DTNB: variants seen among roughly 807,000 people sequenced by gnomAD.
The protein encoded by DTNB is dystrobrevin beta.
In DTNB, 63 loss-of-function variants were observed where a neutral mutation model predicts 90.7. The ratio of observed to expected loss-of-function variants is 0.69; its 90% CI spans 0.57 to 0.86. DTNB has a LOEUF of 0.86. Among genes scored for constraint, DTNB ranks in the 40% least tolerant of loss-of-function variants. The pLI, the probability that DTNB is intolerant of heterozygous loss-of-function variation, is 0.00. For synonymous variants in DTNB, 277 were observed against 286.7 expected (o/e 0.97, Z 0.34); for missense variants, 744 against 807.1 (o/e 0.92, Z 0.95).
intron 8 of DTNB, among the ~76,000 whole-genome samples, chr2:25,576,194 G>C (rs563519320): frequency 5.3e-5 from 8 of 151,864 alleles, no homozygotes; most frequent in Admixed American, 4.6e-4. Flanking sequence ...ATAAGCATGG[G>C]GGGGCGGAAT....
chr2:25,635,091 AAG>A (rs2076861772), intron 3 of DTNB, among the ~76,000 whole-genome samples: 1 of 151,396 alleles, frequency 6.6e-6, no homozygotes, highest in South Asian at 2.1e-4. Flanking sequence ...AAAAAAAAAA[AAG>A]AAATTTTAAA....
intron 16 of DTNB, among the ~76,000 whole-genome samples, chr2:25,410,699 G>A (rs534021039): frequency 4.6e-5 from 7 of 151,984 alleles, no homozygotes; most frequent in African/African-American, 7.2e-5. Flanking sequence ...ATGACGAGGC[G>A]GGGGGGCAAT....
At chr2:25,572,238 C>T (rs2151298445) in intron 8 of DTNB, among the ~76,000 whole-genome samples, 1 of 152,228 alleles carries the variant, frequency 6.6e-6, no homozygotes, top group Non-Finnish European at 1.5e-5. Context: ...GAGGCCGAGG[C>T]AGGTGGATCA....
Position 25,445,053 on chromosome 2 carries a change from T to C in DTNB, c.1257+6495A>G, listed in dbSNP as rs1212012901. Among the ~76,000 whole-genome samples, 6 of 152,208 alleles carry C rather than the reference T, an allele frequency of 3.9e-5. No homozygotes were observed. The East Asian group carries it at 7.7e-4, about 19-fold the overall frequency. On this transcript the variant is annotated intron_variant, in intron 12 of 20. Transcript: ENST00000406818. ...AAACTATCAGGTGTAAAGAGACTTA[T>C]CTTGTTTGCAGTAAGGGAGTACTGA...
chr2:25,533,117 A>G (rs1436066878), intron 8 of DTNB, among the ~76,000 whole-genome samples: 3 of 152,024 alleles, frequency 2.0e-5, no homozygotes, highest in Admixed American at 2.0e-4. Context: ...TGAGCCCAGG[A>G]GTTTGAGATC....
chr2:25,437,156 A>G (rs2056068599), intron 12 of DTNB, among the ~76,000 whole-genome samples: 1 of 152,184 alleles, frequency 6.6e-6, no homozygotes, highest in African/African-American at 2.4e-5. Context: ...GTGTCCCGGC[A>G]GGACTCCTCA....
intron 16 of DTNB, among the ~76,000 whole-genome samples, chr2:25,397,096 G>T (rs986026490): frequency 1.4e-5 from 2 of 147,170 alleles, no homozygotes; most frequent in African/African-American, 5.1e-5. Context: ...TGGACAGACT[G>T]GCAGCAATTC....
intron 19 of DTNB, 39 bp downstream of exon 19, chr2:25,383,797 T>TC: frequency 6.2e-7 from 1 of 1,613,974 alleles, no homozygotes; most frequent in Non-Finnish European, 8.5e-7. Context: ...GAGCTCGGGC[T>TC]CCCCATTTAA....
At chr2:25,576,729 C>T in intron 8 of DTNB, 109 bp downstream of exon 8, 1 of 1,295,228 alleles carries the variant, frequency 7.7e-7, no homozygotes, top group African/African-American at 1.5e-5. Context: ...TAAGATTTTA[C>T]TATATCACAC....
Position 25,556,799 on chromosome 2 carries a change from AGAG to A in DTNB, c.876+20036_876+20038del, listed in dbSNP as rs58109837. On this transcript the variant is annotated intron_variant, in intron 8 of 20. Transcript: ENST00000406818. The stretch of plus-strand genomic sequence containing the variant: ...AGGGAAAGCTGGGAGGATGGGGAGA[AGAG>A]GAGATAAAGGAAACTAGAATCGCAG... Among the ~76,000 whole-genome samples the A allele has an allele frequency of 5.5e-3, 837 of 152,312 alleles. 6 individuals carry two copies. The highest frequency in any genetic ancestry group is 0.019 in the African/African-American group (798 of 41,568).
chr2:25,433,929 C>G lies in DTNB; in HGVS notation c.1324G>C (p.Glu442Gln). 6.2e-7 allele frequency: 1 copy of G among 1,613,712 alleles called. No individual in the cohort carries two copies. Among genetic ancestry groups the G allele is most frequent in the South Asian group, 1.1e-5 (1 of 91,058 alleles). Reference protein sequence around the residue: ...ANKQQRQLIAELENKNREILQ... With the variant: ...ANKQQRQLIAQLENKNREILQ... ...TCTTACCTGTTTTTGTTTTCCAGTT[C>G]TGCAATAAGCTGTCTTTGTTGTTTG... Residue 442 changes from glutamate to glutamine, a missense_variant, in exon 13 of 21, where the codon GAA becomes CAA. Coordinates refer to ENST00000406818, the MANE Select transcript of DTNB (RefSeq NM_021907.5).
intron 8 of DTNB, among the ~76,000 whole-genome samples, chr2:25,561,696 C>G (rs866897464): frequency 1.1e-3 from 160 of 152,284 alleles, no homozygotes; most frequent in African/African-American, 3.7e-3. Context: ...CTCCTCTCCC[C>G]CTCTTGCCCC....
intron 5 of DTNB, chr2:25,598,990 G>C (rs914215445): frequency 6.6e-6 from 1 of 151,910 alleles, no homozygotes; most frequent in Non-Finnish European, 1.5e-5. Context: ...TAGAAAGCTA[G>C]GTTTCAAGGC....
At chr2:25,400,284 G>A (rs1206553451) in intron 16 of DTNB, among the ~76,000 whole-genome samples, 1 of 152,212 alleles carries the variant, frequency 6.6e-6, no homozygotes, top group Non-Finnish European at 1.5e-5. Flanking sequence ...TTACTTGATA[G>A]GCACAGGCCA....
At chr2:25,556,719 GA>G (rs1470056375) in intron 8 of DTNB, among the ~76,000 whole-genome samples, 2 of 152,170 alleles carry the variant, frequency 1.3e-5, no homozygotes, top group Non-Finnish European at 2.9e-5. Context: ...ACCACTCGGA[GA>G]ATCAGAAAAA....
At chr2:25,510,326 C>T (rs1030427416) in intron 9 of DTNB, among the ~76,000 whole-genome samples, 1 of 151,290 alleles carries the variant, frequency 6.6e-6, no homozygotes, top group Non-Finnish European at 1.5e-5. Flanking sequence ...TAACATACTC[C>T]TTTTTTAAAA....
intron 5 of DTNB, among the ~76,000 whole-genome samples, chr2:25,604,698 T>C (rs2066698679): frequency 6.6e-6 from 1 of 152,208 alleles, no homozygotes; most frequent in African/African-American, 2.4e-5. Flanking sequence ...GCTCAAGCAA[T>C]TCTGCCTCAG....
At chr2:25,666,100 CCCTATTT>C (rs2084376248) in intron 1 of DTNB, among the ~76,000 whole-genome samples, 2 of 152,138 alleles carry the variant, frequency 1.3e-5, no homozygotes, top group Admixed American at 1.3e-4. Context: ...AGCATTTCAG[CCCTATTT>C]TAACTTATAT....
At chr2:25,534,137 C>A (rs965950461) in intron 8 of DTNB, among the ~76,000 whole-genome samples, 1 of 152,074 alleles carries the variant, frequency 6.6e-6, no homozygotes, top group African/African-American at 2.4e-5. Flanking sequence ...AGGCAGAGGT[C>A]CCTGCGGCCT....
Sources: allele counts gnomAD v4.1 joint callset (sites outside exome capture counted in the v4.1 genomes callset), GRCh38; gene constraint gnomAD v4.1.1; transcripts MANE v1.5; gene names NCBI Gene and HGNC (gene_info 2026-07-23, HGNC 2026-07-21).